The following EXOC2 variants were observed in gnomAD, a reference collection of about 807,000 sequenced individuals.
The protein encoded by EXOC2 is exocyst complex component 2.
A neutral mutation model predicts 131.8 loss-of-function variants in EXOC2; 70 were observed. That is an observed-to-expected ratio of 0.53 (90% confidence interval 0.44 to 0.65). The LOEUF (loss-of-function observed/expected upper bound fraction) is 0.65. EXOC2 is among the 30% of genes least tolerant of loss of function. EXOC2 has a pLI of 0.00. For synonymous variants in EXOC2, 411 were observed against 398.4 expected (o/e 1.03, Z -0.38); for missense variants, 923 against 1,108.6 (o/e 0.83, Z 2.38).
intron 17 of EXOC2, among the ~76,000 whole-genome samples, chr6:559,664 T>C (rs1757598528): frequency 6.6e-6 from 1 of 152,226 alleles, no homozygotes; most frequent in South Asian, 2.1e-4. Context: ...AAAAATAAAC[T>C]ACAAAGAAGC....
intron 24 of EXOC2, 127 bp from the exon 25 acceptor site, chr6:497,616 C>G (rs1409617012): frequency 8.2e-7 from 1 of 1,219,124 alleles, no homozygotes; most frequent in South Asian, 2.0e-5. Context: ...TTTAAAAGGC[C>G]AAAATTATAA....
rs1239411374 is a variant in EXOC2 at position 486,700 on chromosome 6, C to T, written c.2746G>A (p.Ala916Thr). Residue 916 changes from alanine to threonine, a missense_variant, in exon 28 of 28, where the codon GCA becomes ACA. Ala to Thr is a moderately conservative substitution (Grantham distance 58). Transcript: ENST00000230449. Reference sequence around the variant, plus strand: ...GTTTTCATCATGGTTGAAGAAGCTGCTTGGAAACAGGTGAGCTGCAAGTGC... The same window carrying T: ...GTTTTCATCATGGTTGAAGAAGCTGTTTGGAAACAGGTGAGCTGCAAGTGC... ...SMHLQLTCFQ[A>T]ASSTMMKT 2 of 1,614,044 alleles carry T rather than the reference C, an allele frequency of 1.2e-6. No individual in the cohort carries two copies. The highest frequency in any genetic ancestry group is 1.7e-6 in the Non-Finnish European group (2 of 1,180,026).
At chr6:495,841 A>G (rs1277497207) in intron 25 of EXOC2, among the ~76,000 whole-genome samples, 1 of 152,186 alleles carries the variant, frequency 6.6e-6, no homozygotes, top group African/African-American at 2.4e-5. Context: ...AAATCTAATT[A>G]CATGCATGCT....
intron 4 of EXOC2, among the ~76,000 whole-genome samples, chr6:621,053 C>T (rs1023254590): frequency 6.6e-6 from 1 of 152,156 alleles, no homozygotes; most frequent in Non-Finnish European, 1.5e-5. Context: ...TCAGTCTTAC[C>T]GCAGACACTC....
chr6:619,440 A>G lies in EXOC2; in HGVS notation c.526T>C (p.Ser176Pro). 6.2e-7 allele frequency: 1 copy of G among 1,613,350 alleles called. No individual in the cohort carries two copies. ...SAAWYLIENH[S>P]NTSFEQLKMA... ...CCCATATCCACTAACCTGGTGTTTG[A>G]GTGATTCTCTATAAGATACCAGGCT... Residue 176 changes from serine (S) to proline (P), a missense_variant, in exon 5 of 28, where the codon TCA becomes CCA. Coordinates refer to ENST00000230449, the MANE Select transcript of EXOC2 (RefSeq NM_018303.6).
intron 1 of EXOC2, among the ~76,000 whole-genome samples, chr6:660,439 T>A (rs1460837172): frequency 6.6e-6 from 1 of 152,124 alleles, no homozygotes; most frequent in East Asian, 1.9e-4. Flanking sequence ...GATATTCACA[T>A]TCACGGCTGA....
chr6:576,802 C>T lies in EXOC2; in HGVS notation c.1273G>A (p.Ala425Thr). 1 of 1,614,148 alleles carries T rather than the reference C, an allele frequency of 6.2e-7. No homozygotes were observed. Among genetic ancestry groups the T allele is most frequent in the Admixed American group, 1.7e-5 (1 of 60,020 alleles). The change falls in exon 12 of 28, where the codon GCG becomes ACG. Residue 425 changes from alanine (A) to threonine (T), a missense_variant. Transcript: ENST00000230449. ...PSVLGHLSQT[A>T]SLKRGSSFQS... is the part of the protein sequence containing the mutation. Reference sequence around the variant, plus strand: ...AAGCTGCTGCCCCTCTTCAGGGACGCTGTCTGACTGAGATGGCCCAACACT... The same window carrying T: ...AAGCTGCTGCCCCTCTTCAGGGACGTTGTCTGACTGAGATGGCCCAACACT...
At chr6:660,317 C>A (rs972859644) in intron 1 of EXOC2, among the ~76,000 whole-genome samples, 1 of 152,296 alleles carries the variant, frequency 6.6e-6, no homozygotes, top group Admixed American at 6.5e-5. Flanking sequence ...AAAGCACCAC[C>A]TCCTGGCAAA....
At chr6:491,817 C>T (rs1008235314) in intron 25 of EXOC2, among the ~76,000 whole-genome samples, 2 of 152,202 alleles carry the variant, frequency 1.3e-5, no homozygotes, top group Non-Finnish European at 2.9e-5. Flanking sequence ...CTGACTTCAG[C>T]CATACTCCAA....
intron 23 of EXOC2, 137 bp from the exon 24 acceptor site, chr6:499,837 G>A: frequency 1.6e-6 from 1 of 642,330 alleles, no homozygotes; most frequent in Admixed American, 2.8e-5. Flanking sequence ...TTCCTTTTGA[G>A]AATCAAATGG....
intron 4 of EXOC2, among the ~76,000 whole-genome samples, chr6:628,625 C>A (rs1761698390): frequency 1.3e-5 from 2 of 152,098 alleles, no homozygotes; most frequent in African/African-American, 4.8e-5. Flanking sequence ...TTCCTTTTGC[C>A]CATGTATAAA....
intron 13 of EXOC2, among the ~76,000 whole-genome samples, chr6:570,497 AG>A (rs1359901936): frequency 7.9e-5 from 12 of 152,234 alleles, no homozygotes; most frequent in Admixed American, 7.8e-4. Context: ...ATTCTACTCC[AG>A]CAGTTCATCA....
At chr6:575,911 A>T (rs1215663023) in intron 12 of EXOC2, among the ~76,000 whole-genome samples, 1 of 152,202 alleles carries the variant, frequency 6.6e-6, no homozygotes, top group African/African-American at 2.4e-5. Flanking sequence ...TGGGAGAGGA[A>T]TGAGAATCGG....
chr6:619,368 G>A, intron 5 of EXOC2, 62 bp downstream of exon 5: 8 of 1,355,600 alleles, frequency 5.9e-6, no homozygotes, highest in Non-Finnish European at 6.3e-6. Flanking sequence ...GAGTTACCGT[G>A]TAATTCCATC....
At chr6:505,135 G>A (rs1216586996) in intron 23 of EXOC2, among the ~76,000 whole-genome samples, 2 of 150,816 alleles carry the variant, frequency 1.3e-5, no homozygotes, top group African/African-American at 2.4e-5. Flanking sequence ...ACACAACAAC[G>A]GCAGAAAAAA....
At chr6:524,527 T>C (rs1765642835) in intron 23 of EXOC2, among the ~76,000 whole-genome samples, 1 of 152,226 alleles carries the variant, frequency 6.6e-6, no homozygotes, top group Non-Finnish European at 1.5e-5. Context: ...GACGCTAGTC[T>C]GTAATTTTCT....
intron 13 of EXOC2, among the ~76,000 whole-genome samples, chr6:567,846 C>G (rs1758060085): frequency 6.6e-6 from 1 of 152,306 alleles, no homozygotes; most frequent in Non-Finnish European, 1.5e-5. Flanking sequence ...CGCTCTGGGT[C>G]CCGACATGAG....
At position 619,094 on chromosome 6, in the gene EXOC2, TTA is replaced by T. The variant is rs751593321; in HGVS notation, c.536+334_536+335del. 2.6e-5 allele frequency among the ~76,000 whole-genome samples: 4 copies of T among 152,286 alleles called. No homozygotes were observed. The South Asian group carries it at 8.3e-4, about 32-fold the overall frequency. ...TGTTTTACCCCAGAACTTAAAATTTTTATGTTATTTGAGTAGGGAGAGATCAC... is the reference window on the plus strand; with the variant it reads ...TGTTTTACCCCAGAACTTAAAATTTTTGTTATTTGAGTAGGGAGAGATCAC... On this transcript the variant is annotated intron_variant, in intron 5 of 27. Coordinates refer to ENST00000230449, the MANE Select transcript of EXOC2 (RefSeq NM_018303.6).
chr6:528,770 G>A (rs1408033012), intron 23 of EXOC2, among the ~76,000 whole-genome samples: 1 of 152,150 alleles, frequency 6.6e-6, no homozygotes, highest in African/African-American at 2.4e-5. Context: ...CTCTTATTAA[G>A]ATCAACCTCA....
Sources: allele counts gnomAD v4.1 joint callset (sites outside exome capture counted in the v4.1 genomes callset), GRCh38; gene constraint gnomAD v4.1.1; transcripts MANE v1.5; gene names NCBI Gene and HGNC (gene_info 2026-07-23, HGNC 2026-07-21).